Variants in PCDHA8 observed in about 807,000 individuals in gnomAD.
PCDHA8 encodes protocadherin alpha 8.
Under a neutral mutation model 61.8 loss-of-function variants are expected in PCDHA8, and 53 were observed. The ratio of observed to expected loss-of-function variants is 0.86; its 90% CI spans 0.69 to 1.08. PCDHA8 has a LOEUF of 1.08. Among genes scored for constraint, PCDHA8 ranks in the 50% least tolerant of loss-of-function variants. The pLI is 0.00. For missense variants in PCDHA8, 1,293 were observed against 1,245.0 expected (o/e 1.04, Z -0.58); for synonymous variants, 618 against 556.6 (o/e 1.11, Z -1.55).
chr5:140,873,030 C>T (rs251373), intron 1 of PCDHA8, among the ~76,000 whole-genome samples: 67,234 of 151,934 alleles, frequency 0.44, 15,336 homozygotes, highest in South Asian at 0.58. Context: ...TCTTACTACA[C>T]GTAGAGTGGT....
chr5:140,871,141 C>T (rs1431247385), intron 1 of PCDHA8: 1 of 1,613,320 alleles, frequency 6.2e-7, no homozygotes, highest in Admixed American at 1.7e-5. Context: ...GGCCTCTTCC[C>T]GGACTTTGGC....
intron 1 of PCDHA8, among the ~76,000 whole-genome samples, chr5:140,885,309 T>C (rs1456816250): frequency 6.6e-6 from 1 of 152,194 alleles, no homozygotes; most frequent in Non-Finnish European, 1.5e-5. Context: ...GTAGGCTTTT[T>C]GTTATTATTT....
At chr5:140,992,805 A>G (rs2097529327) in intron 3 of PCDHA8, among the ~76,000 whole-genome samples, 1 of 152,078 alleles carries the variant, frequency 6.6e-6, no homozygotes, top group Non-Finnish European at 1.5e-5. Flanking sequence ...ATCCATATGT[A>G]TCTAAGGATG....
intron 1 of PCDHA8, among the ~76,000 whole-genome samples, chr5:140,932,642 T>G (rs2088501803): frequency 6.6e-6 from 1 of 151,860 alleles, no homozygotes. Context: ...AACTTTAGAA[T>G]GATGAAACTA....
intron 1 of PCDHA8, among the ~76,000 whole-genome samples, chr5:140,916,856 G>C (rs529499839): frequency 2.6e-5 from 4 of 152,254 alleles, no homozygotes; most frequent in South Asian, 2.1e-4. Flanking sequence ...CCAGCACTAG[G>C]AGTTACCTAG....
At chr5:140,863,093 C>T (rs1204907629) in intron 1 of PCDHA8, 2 of 576,488 alleles carry the variant, frequency 3.5e-6, no homozygotes, top group Middle Eastern at 2.9e-4. Flanking sequence ...ATCAGCACGA[C>T]GAGTACCCTG....
chr5:140,915,832 A>T (rs1297251550), intron 1 of PCDHA8, among the ~76,000 whole-genome samples: 1 of 152,084 alleles, frequency 6.6e-6, no homozygotes, highest in Non-Finnish European at 1.5e-5. Context: ...GGGCTCTAAG[A>T]TCAGCAGGGG....
chr5:140,875,349 CTG>C, intron 1 of PCDHA8: 1 of 1,444,894 alleles, frequency 6.9e-7, no homozygotes, highest in Non-Finnish European at 9.1e-7. Context: ...TCCATAATGA[CTG>C]TGATGCTGGA....
intron 1 of PCDHA8, chr5:140,861,595 T>G (rs1195852387): frequency 1.9e-5 from 7 of 367,584 alleles, no homozygotes; most frequent in Admixed American, 8.8e-5. Context: ...GAGGTGAAAG[T>G]GAAGAACAAT....
intron 1 of PCDHA8, chr5:140,867,929 GTTT>G (rs1459004552): frequency 6.6e-6 from 1 of 151,990 alleles, no homozygotes; most frequent in Non-Finnish European, 1.5e-5. Context: ...CACTTCCCTT[GTTT>G]TCCATGAACT....
chr5:140,919,505 CTA>C (rs2079156587), intron 1 of PCDHA8, among the ~76,000 whole-genome samples: 3 of 152,008 alleles, frequency 2.0e-5, no homozygotes, highest in Admixed American at 6.6e-5. Context: ...ACTCCTTTTT[CTA>C]TATGTTTTAA....
intron 1 of PCDHA8, chr5:140,850,087 T>A (rs2150466351): frequency 6.3e-7 from 1 of 1,596,398 alleles, no homozygotes; most frequent in East Asian, 2.2e-5. Context: ...CTGGAGCTGC[T>A]ACAGTTCCAG....
intron 1 of PCDHA8, among the ~76,000 whole-genome samples, chr5:140,889,342 A>G (rs1418641372): frequency 6.6e-6 from 1 of 152,018 alleles, no homozygotes; most frequent in East Asian, 1.9e-4. Context: ...GATTGGTGGG[A>G]ATATTTCTGA....
At chr5:140,910,856 C>T (rs548609862) in intron 1 of PCDHA8, among the ~76,000 whole-genome samples, 15 of 152,300 alleles carry the variant, frequency 9.8e-5, no homozygotes, top group Non-Finnish European at 2.2e-4. Flanking sequence ...ATCTATGTTC[C>T]ATCCACCATT....
chr5:140,983,378 G>A (rs782292944), intron 3 of PCDHA8, among the ~76,000 whole-genome samples: 1 of 152,162 alleles, frequency 6.6e-6, no homozygotes, highest in Non-Finnish European at 1.5e-5. Flanking sequence ...GAGGCCCATC[G>A]CTGTGGCAGT....
At chr5:141,000,398 T>TAA in intron 3 of PCDHA8, among the ~76,000 whole-genome samples, 1 of 55,032 alleles carries the variant, frequency 1.8e-5, no homozygotes, top group African/African-American at 7.5e-5. Flanking sequence ...TCTCTCTCTA[T>TAA]ATATATATAT....
intron 1 of PCDHA8, among the ~76,000 whole-genome samples, chr5:140,931,584 AAC>A (rs1355868674): frequency 1.3e-5 from 2 of 152,054 alleles, no homozygotes; most frequent in Admixed American, 1.3e-4. Flanking sequence ...CATTCAGTTG[AAC>A]AGTCTTTTTC....
Position 140,843,343 on chromosome 5 carries a change from G to C in PCDHA8, c.2022G>C (p.Gln674His). The C allele has an allele frequency of 6.3e-7, 1 of 1,596,112 alleles. No homozygotes were observed. The highest frequency in any genetic ancestry group is 8.6e-7 in the Non-Finnish European group (1 of 1,165,612). The change falls in exon 1 of 4, where the codon CAG becomes CAC. Residue 674 changes from glutamine (Q) to histidine (H), a missense_variant. By Grantham distance (24) the Gln-to-His change is conservative (BLOSUM62 0). Transcript: ENST00000531613. ...TVLVSLVESG[Q>H]APKASSRQSA... ...TGGTGTCGCTGGTGGAGAGCGGCCAGGCTCCAAAAGCGTCATCGAGGCAGT... is the reference window on the plus strand; with the variant it reads ...TGGTGTCGCTGGTGGAGAGCGGCCACGCTCCAAAAGCGTCATCGAGGCAGT...
Position 140,842,042 on chromosome 5 carries a change from A to G in PCDHA8, c.721A>G (p.Thr241Ala), listed in dbSNP as rs2150327853. The G allele has an allele frequency of 5.0e-6, 8 of 1,613,906 alleles. No individual in the cohort carries two copies. Among genetic ancestry groups the G allele is most frequent in the East Asian group, 2.2e-5 (1 of 44,880 alleles). ...GCTGGATGTGAATGATAATGCTCCC[A>G]CTTTCGAACAGTCTGAATACGAAGT... ...TVLDVNDNAP[T>A]FEQSEYEVRI... Residue 241 changes from threonine to alanine, a missense_variant, in exon 1 of 4, where the codon ACT becomes GCT. Thr to Ala is a moderately conservative substitution (Grantham distance 58). Transcript: ENST00000531613.
Sources: gnomAD v4.1 joint callset for allele counts (sites outside exome capture counted in the v4.1 genomes callset) on GRCh38, gnomAD v4.1.1 for gene constraint, MANE v1.5 for transcripts, NCBI Gene and HGNC (gene_info 2026-07-23, HGNC 2026-07-21) for gene names.